The following PDS5A variants were observed in gnomAD, a reference collection of about 807,000 sequenced individuals.
The protein encoded by PDS5A is PDS5 cohesin associated factor A.
In PDS5A, 42 loss-of-function variants were observed where a neutral mutation model predicts 167.1. The observed-to-expected ratio is 0.25, with a 90% confidence interval of 0.20 to 0.33. The LOEUF (loss-of-function observed/expected upper bound fraction) is 0.33, where lower values mean the gene tolerates loss of function less well. Among genes scored for constraint, PDS5A ranks in the 10% least tolerant of loss-of-function variants. The probability of loss-of-function intolerance (pLI) is 1.00; values close to 1 mark genes in which losing one functional copy is unlikely to be tolerated. For synonymous variants in PDS5A, 553 were observed against 554.6 expected (o/e 1.00, Z 0.04); for missense variants, 1,033 against 1,605.9 (o/e 0.64, Z 6.10).
chr4:39,860,807 C>T (rs372673732), intron 26 of PDS5A, among the ~76,000 whole-genome samples: 3 of 152,084 alleles, frequency 2.0e-5, no homozygotes, highest in Non-Finnish European at 4.4e-5. Flanking sequence ...CAGTGGCTCA[C>T]GCCTGTAATC....
At chr4:39,952,105 G>A (rs1265000030) in intron 2 of PDS5A, among the ~76,000 whole-genome samples, 6 of 151,952 alleles carry the variant, frequency 3.9e-5, no homozygotes, top group South Asian at 2.1e-4. Flanking sequence ...AGAGGTGGGC[G>A]GATTACCTGA....
chr4:39,828,553 C>G (rs935851519), intron 32 of PDS5A, among the ~76,000 whole-genome samples: 2 of 152,178 alleles, frequency 1.3e-5, no homozygotes, highest in Non-Finnish European at 2.9e-5. Context: ...CATCAGAAAT[C>G]TACCTAAAAG....
intron 32 of PDS5A, among the ~76,000 whole-genome samples, chr4:39,832,832 T>C (rs1205813778): frequency 6.6e-6 from 1 of 151,882 alleles, no homozygotes; most frequent in East Asian, 1.9e-4. Context: ...CACTCCAGCC[T>C]GAGTGACAGA....
intron 2 of PDS5A, among the ~76,000 whole-genome samples, chr4:39,968,281 AT>A (rs1730171054): frequency 6.6e-6 from 1 of 151,818 alleles, no homozygotes; most frequent in African/African-American, 2.4e-5. Context: ...AATGTCACTT[AT>A]TAGATGTGAA....
At chr4:39,833,263 A>C (rs1194662242) in intron 32 of PDS5A, among the ~76,000 whole-genome samples, 2 of 151,172 alleles carry the variant, frequency 1.3e-5, no homozygotes, top group African/African-American at 2.4e-5. Context: ...GGATTCTGCT[A>C]AAATTGAAGC....
chr4:39,911,241 T>TTTTTTC (rs1326126127), intron 9 of PDS5A, among the ~76,000 whole-genome samples: 1 of 152,002 alleles, frequency 6.6e-6, no homozygotes, highest in Non-Finnish European at 1.5e-5. Flanking sequence ...GCAGAAAATG[T>TTTTTTC]GTTACTAGCT....
chr4:39,904,484 G>T (rs192177050), intron 11 of PDS5A, among the ~76,000 whole-genome samples: 1 of 152,036 alleles, frequency 6.6e-6, no homozygotes, highest in Non-Finnish European at 1.5e-5. Flanking sequence ...GACTACAGGC[G>T]CCCGCACGCC....
chr4:39,824,141 A>C lies in PDS5A; in HGVS notation c.*1344T>G, dbSNP rs1196798822. Reference sequence around the variant, plus strand: ...GAAAAGACAAATTTCATGTTCCTCCAGAATCAGGTCTTACATGCCTTCGTT... The same window carrying C: ...GAAAAGACAAATTTCATGTTCCTCCCGAATCAGGTCTTACATGCCTTCGTT... On this transcript the variant is annotated 3_prime_UTR_variant, in exon 33 of 33. Coordinates refer to ENST00000303538, the MANE Select transcript of PDS5A (RefSeq NM_001100399.2). 1 of 152,230 alleles carries C rather than the reference A, an allele frequency of 6.6e-6. No individual in the cohort carries two copies. The highest frequency in any genetic ancestry group is 1.5e-5 in the Non-Finnish European group (1 of 68,044). The allele number at this position is 152,230 out of a possible 1,614,324, so 9.4% of individuals were successfully genotyped here. A position where few individuals can be genotyped will look rare whatever the true frequency, so the allele number is the denominator to read the frequency against.
At chr4:39,883,231 A>G (rs1721113541) in intron 17 of PDS5A, among the ~76,000 whole-genome samples, 1 of 152,004 alleles carries the variant, frequency 6.6e-6, no homozygotes, top group Non-Finnish European at 1.5e-5. Context: ...CCCAGGCTGG[A>G]GTGCAATGGT....
intron 2 of PDS5A, among the ~76,000 whole-genome samples, chr4:39,944,703 A>C (rs1183327664): frequency 6.6e-6 from 1 of 151,744 alleles, no homozygotes; most frequent in Non-Finnish European, 1.5e-5. Context: ...TCAAAAAAAA[A>C]AAAAAAAACA....
intron 6 of PDS5A, among the ~76,000 whole-genome samples, chr4:39,921,549 A>C (rs1173583876): frequency 6.6e-6 from 1 of 150,924 alleles, no homozygotes; most frequent in Non-Finnish European, 1.5e-5. Flanking sequence ...AAGCCTGGGC[A>C]ACATAGCGAA....
chr4:39,951,898 CAAAAAAA>C (rs1161911794), intron 2 of PDS5A, among the ~76,000 whole-genome samples: 6 of 68,802 alleles, frequency 8.7e-5, no homozygotes, highest in Admixed American at 3.7e-4. Flanking sequence ...GAGTCTGTCT[CAAAAAAA>C]AAAAAAAAAA....
intron 2 of PDS5A, among the ~76,000 whole-genome samples, chr4:39,930,891 T>C (rs1360469245): frequency 6.6e-6 from 1 of 151,084 alleles, no homozygotes; most frequent in East Asian, 1.9e-4. Flanking sequence ...CTTACCACTG[T>C]ACTTAAAGGA....
rs759323289 is a variant in PDS5A at position 39,903,982 on chromosome 4, AT to A, written c.1385+57del. The A allele has an allele frequency of 2.8e-5, 27 of 978,692 alleles. No individual in the cohort carries two copies. In the South Asian group the frequency reaches 2.9e-4, roughly 11 times the overall value. The allele number at this position is 978,692 out of a possible 1,614,324, so 60.6% of individuals were successfully genotyped here. On this transcript the variant is annotated intron_variant, in intron 12 of 32. Coordinates refer to ENST00000303538, the MANE Select transcript of PDS5A (RefSeq NM_001100399.2). The stretch of plus-strand genomic sequence containing the variant: ...GAAATTACTAAAATATTAAATAGAC[AT>A]TTTTTAAGTAAAAAGTAGTTTTACA...
At chr4:39,898,308 C>G (rs1168395575) in intron 16 of PDS5A, 81 bp downstream of exon 16, 1 of 1,415,600 alleles carries the variant, frequency 7.1e-7, no homozygotes, top group Admixed American at 3.0e-5. Context: ...ACACAAATCA[C>G]TGTATGTAAA....
At chr4:39,872,911 C>G in intron 21 of PDS5A, 75 bp downstream of exon 21, 2 of 713,890 alleles carry the variant, frequency 2.8e-6, no homozygotes, top group Admixed American at 3.6e-5. Context: ...TACACAGAAA[C>G]AGAAGTGTTT....
rs777287409 is a variant in PDS5A at position 39,954,670 on chromosome 4, T to TAAAA, written c.138+21766_138+21769dup. 1.6e-3 allele frequency among the ~76,000 whole-genome samples: 75 copies of TAAAA among 48,274 alleles called. 3 individuals carry two copies. Among genetic ancestry groups the TAAAA allele is most frequent in the African/African-American group, 5.5e-3 (69 of 12,618 alleles). The allele number at this position is 48,274 out of a possible 152,430, so 31.7% of individuals were successfully genotyped here. A position where few individuals can be genotyped will look rare whatever the true frequency, so the allele number is the denominator to read the frequency against. ...TAAGTACCCATTGTCAAGAGATAAGTAAAAAAAAAAAAAAAAAAAAAAAAA... is the reference window on the plus strand; with the variant it reads ...TAAGTACCCATTGTCAAGAGATAAGTAAAAAAAAAAAAAAAAAAAAAAAAAAAAA... On this transcript the variant is annotated intron_variant, in intron 2 of 32. Coordinates refer to ENST00000303538, the MANE Select transcript of PDS5A (RefSeq NM_001100399.2).
rs763182551 is a variant in PDS5A at position 39,976,485 on chromosome 4, C to A, written c.93G>T (p.Glu31Asp). 1 of 1,613,554 alleles carries A rather than the reference C, an allele frequency of 6.2e-7. No individual in the cohort carries two copies. Among genetic ancestry groups the A allele is most frequent in the South Asian group, 1.1e-5 (1 of 91,056 alleles). The change falls in exon 2 of 33, where the codon GAG becomes GAT. Residue 31 changes from glutamate (E) to aspartate (D), a missense_variant. Glu to Asp is a conservative substitution (Grantham distance 45, BLOSUM62 2). Around this residue, in one of 4 missense-constraint regions of PDS5A, gnomAD observed 388 missense variants for 615.1 expected, o/e 0.63. Transcript: ENST00000303538. ...GKIAYPPGVK[E>D]ITDKITTDEM... Reference sequence around the variant, plus strand: ...CGTCCGTGGTGATCTTGTCGGTGATCTCTTTTACCCCCGGAGGGTAAGCGA... The same window carrying A: ...CGTCCGTGGTGATCTTGTCGGTGATATCTTTTACCCCCGGAGGGTAAGCGA...
chr4:39,823,531 T>C lies in PDS5A; in HGVS notation c.*1954A>G, dbSNP rs1462057457. ...AGGTCCCTATCAATGCACTTTTTGT[T>C]GGTGACACACTGGAAACCTTAGGAA... On this transcript the variant is annotated 3_prime_UTR_variant, in exon 33 of 33. Transcript: ENST00000303538. 6.6e-6 allele frequency: 1 copy of C among 152,634 alleles called. No individual in the cohort carries two copies. The highest frequency in any genetic ancestry group is 1.9e-4 in the East Asian group (1 of 5,206). The allele number at this position is 152,634 out of a possible 1,614,324, so 9.5% of individuals were successfully genotyped here. A position where few individuals can be genotyped will look rare whatever the true frequency, so the allele number is the denominator to read the frequency against.
Sources: gnomAD v4.1 joint callset for allele counts (sites outside exome capture counted in the v4.1 genomes callset) on GRCh38, gnomAD v4.1.1 for gene constraint, gnomAD v4.1.1 regional missense constraint, MANE v1.5 for transcripts, NCBI Gene and HGNC (gene_info 2026-07-23, HGNC 2026-07-21) for gene names.